FBXL13: variants seen among roughly 807,000 people sequenced by gnomAD.
The protein encoded by FBXL13 is F-box and leucine rich repeat protein 13.
FBXL13 carries 67 observed loss-of-function variants against 83.6 expected under a neutral mutation model. The observed-to-expected ratio is 0.80, with a 90% CI of 0.66 to 0.98. FBXL13 has a LOEUF of 0.98. Ranked by LOEUF, FBXL13 falls within the 50% of genes least tolerant of loss-of-function variation. FBXL13 has a pLI of 0.00. For synonymous variants in FBXL13, 272 were observed against 299.5 expected (o/e 0.91, Z 0.95); for missense variants, 822 against 866.5 (o/e 0.95, Z 0.64).
intron 8 of FBXL13, among the ~76,000 whole-genome samples, chr7:102,960,091 T>C (rs1044081468): frequency 9.9e-5 from 15 of 152,200 alleles, no homozygotes; most frequent in African/African-American, 2.9e-4. Flanking sequence ...TTACTGTCTA[T>C]TGTTAGTTTT....
intron 16 of FBXL13, among the ~76,000 whole-genome samples, chr7:102,855,210 C>T (rs1050006333): frequency 2.0e-5 from 3 of 152,148 alleles, no homozygotes; most frequent in African/African-American, 7.2e-5. Context: ...GAAGATACTT[C>T]ATGTGGATAA....
At chr7:102,913,399 C>T (rs1413631177) in intron 10 of FBXL13, among the ~76,000 whole-genome samples, 184 bp from the exon 12 acceptor site, 2 of 152,184 alleles carry the variant, frequency 1.3e-5, no homozygotes, top group Non-Finnish European at 2.9e-5. Flanking sequence ...TATAAGGTAA[C>T]ACACAATACA....
intron 8 of FBXL13, among the ~76,000 whole-genome samples, chr7:102,958,800 T>A (rs1485509906): frequency 1.3e-5 from 2 of 151,854 alleles, no homozygotes; most frequent in African/African-American, 4.8e-5. Context: ...AAACAGTTCC[T>A]AAAAATCCAA....
chr7:103,072,530 T>A (rs769615414), intron 1 of FBXL13, among the ~76,000 whole-genome samples: 1 of 152,158 alleles, frequency 6.6e-6, no homozygotes, highest in Non-Finnish European at 1.5e-5. Context: ...TGTGATGTTA[T>A]AGTAACTGGC....
At chr7:103,004,192 T>C (rs1465600449) in intron 6 of FBXL13, among the ~76,000 whole-genome samples, 1 of 152,216 alleles carries the variant, frequency 6.6e-6, no homozygotes, top group Admixed American at 6.5e-5. Context: ...TTTTCTAAGA[T>C]ATGGTTGTTT....
chr7:102,814,273 A>G (rs1420520461), intron 19 of FBXL13: 1 of 152,212 alleles, frequency 6.6e-6, no homozygotes, highest in East Asian at 1.9e-4. Flanking sequence ...ACGATTAGAA[A>G]TGAGTAACTA....
chr7:102,961,705 T>C (rs534519375), intron 8 of FBXL13, among the ~76,000 whole-genome samples: 6 of 149,568 alleles, frequency 4.0e-5, no homozygotes, highest in Non-Finnish European at 6.0e-5. Context: ...ATCTGATCTT[T>C]GACAAACCTG....
At chr7:102,955,888 T>C (rs2030549990) in intron 8 of FBXL13, among the ~76,000 whole-genome samples, 1 of 152,116 alleles carries the variant, frequency 6.6e-6, no homozygotes, top group African/African-American at 2.4e-5. Flanking sequence ...GAGGCAATAA[T>C]TAATAGTCTA....
At chr7:102,890,063 G>C (rs916352962) in intron 11 of FBXL13, among the ~76,000 whole-genome samples, 7 of 152,086 alleles carry the variant, frequency 4.6e-5, no homozygotes, top group African/African-American at 1.7e-4. Flanking sequence ...GAAGTACTTA[G>C]TTTCCTACAC....
chr7:103,031,864 T>C (rs1337948502), intron 2 of FBXL13, among the ~76,000 whole-genome samples: 2 of 152,228 alleles, frequency 1.3e-5, no homozygotes, highest in African/African-American at 4.8e-5. Flanking sequence ...CCAGTTGGAA[T>C]CAACTGCAAA....
intron 1 of FBXL13, among the ~76,000 whole-genome samples, chr7:103,063,887 T>C (rs1279942373): frequency 6.6e-6 from 1 of 152,094 alleles, no homozygotes; most frequent in Non-Finnish European, 1.5e-5. Context: ...AATAATCCCC[T>C]CATCTTGCTT....
At chr7:103,023,059 G>A (rs571566648) in intron 6 of FBXL13, among the ~76,000 whole-genome samples, 8 of 152,148 alleles carry the variant, frequency 5.3e-5, no homozygotes, top group African/African-American at 1.2e-4. Context: ...GGTGGATCAC[G>A]AGGTCAGGAG....
At position 103,056,665 on chromosome 7, in the gene FBXL13, C is replaced by T. The variant is rs576790097; in HGVS notation, c.-104-918G>A. Reference sequence around the variant, plus strand: ...TAGAGACAGGGTTTCACCATGTTGGCCAAGCTGGTCTTGAACTCCTGACCT... The same window carrying T: ...TAGAGACAGGGTTTCACCATGTTGGTCAAGCTGGTCTTGAACTCCTGACCT... On this transcript the variant is annotated intron_variant, in intron 1 of 19. Coordinates refer to ENST00000313221, the Ensembl canonical transcript of FBXL13. Among the ~76,000 whole-genome samples the T allele has an allele frequency of 3.9e-5, 6 of 152,174 alleles. No homozygotes were observed. The East Asian group carries it at 1.2e-3, about 29-fold the overall frequency.
At chr7:102,928,941 C>A in intron 9 of FBXL13, among the ~76,000 whole-genome samples, 1 of 152,280 alleles carries the variant, frequency 6.6e-6, no homozygotes, top group East Asian at 1.9e-4. Context: ...TCTGTCTATG[C>A]CTCCATTTCT....
chr7:102,912,239 C>A lies in FBXL13; in HGVS notation c.1008+847G>T, dbSNP rs1486161110. ...GCACTGTATCAGAAGTAAATCTGAT[C>A]TGTGTATAGCACTCAACACAATGCT... On this transcript the variant is annotated intron_variant, in intron 11 of 19. Coordinates refer to ENST00000313221, the Ensembl canonical transcript of FBXL13. Among the ~76,000 whole-genome samples, 5 of 152,152 alleles carry A rather than the reference C, an allele frequency of 3.3e-5. No individual in the cohort carries two copies. The East Asian group carries it at 9.6e-4, about 29-fold the overall frequency.
At chr7:102,948,946 A>G (rs1472014755) in intron 8 of FBXL13, among the ~76,000 whole-genome samples, 3 of 151,622 alleles carry the variant, frequency 2.0e-5, no homozygotes, top group Non-Finnish European at 4.4e-5. Flanking sequence ...TCCTGGCCTC[A>G]AGTGATCCGC....
chr7:102,879,579 C>G (rs776229673), intron 14 of FBXL13, among the ~76,000 whole-genome samples: 5 of 152,046 alleles, frequency 3.3e-5, no homozygotes, highest in African/African-American at 4.8e-5. Context: ...ACCTGGATAT[C>G]AAAAGTATCC....
chr7:102,854,644 T>A (rs967947389), intron 17 of FBXL13, 133 bp downstream of exon 18: 44 of 513,830 alleles, frequency 8.6e-5, no homozygotes, highest in Admixed American at 3.9e-4. Context: ...ACTTAAGAAC[T>A]AAAGGCAAAA....
chr7:102,876,655 C>G (rs188278704), intron 16 of FBXL13, among the ~76,000 whole-genome samples: 1 of 152,188 alleles, frequency 6.6e-6, no homozygotes, highest in East Asian at 1.9e-4. Flanking sequence ...CAGAGAAATT[C>G]CAGTGCTTGC....
Sources: gnomAD v4.1 joint callset for allele counts (sites outside exome capture counted in the v4.1 genomes callset) on GRCh38, gnomAD v4.1.1 for gene constraint, MANE v1.5 for transcripts, NCBI Gene and HGNC (gene_info 2026-07-23, HGNC 2026-07-21) for gene names.